The following COL5A2 variants were observed in gnomAD, a reference collection of about 807,000 sequenced individuals.
The protein encoded by COL5A2 is collagen alpha-2(V) chain.
A neutral mutation model predicts 208.2 loss-of-function variants in COL5A2; 23 were observed. The observed-to-expected ratio is 0.11, with a 90% CI of 0.08 to 0.16. The LOEUF is 0.16. COL5A2 is among the 10% of genes least tolerant of loss of function. The pLI, the probability that COL5A2 is intolerant of heterozygous loss-of-function variation, is 1.00. For synonymous variants in COL5A2, 625 were observed against 628.5 expected, an observed-to-expected ratio of 0.99 and a Z score of 0.08; for missense variants, 1,590 against 1,956.4, an observed-to-expected ratio of 0.81 and a Z score of 3.53.
chr2:189,125,946 C>T (rs6723725), intron 1 of COL5A2, among the ~76,000 whole-genome samples: 7,890 of 152,002 alleles, frequency 0.052, 261 homozygotes, highest in Admixed American at 0.099. Context: ...TAACTATAGA[C>T]GGATAGGTGA....
chr2:189,327,909 T>G, the COL5A2 span, among the ~76,000 whole-genome samples: 1 of 152,250 alleles, frequency 6.6e-6, no homozygotes, highest in African/African-American at 2.4e-5. Flanking sequence ...TGTTGTAATT[T>G]TCCAAACCAT....
At chr2:189,382,341 G>T in the COL5A2 span, among the ~76,000 whole-genome samples, 4 of 151,958 alleles carry the variant, frequency 2.6e-5, no homozygotes, top group African/African-American at 9.7e-5. Flanking sequence ...CTGGGTGACA[G>T]AGTAAGACCT....
At chr2:189,382,723 C>T in the COL5A2 span, among the ~76,000 whole-genome samples, 3,653 of 152,154 alleles carry the variant, frequency 0.024, 157 homozygotes, top group African/African-American at 0.084. Context: ...ATCATTGGTT[C>T]TTATAGGTTT....
At chr2:189,327,361 G>A in the COL5A2 span, among the ~76,000 whole-genome samples, 1 of 152,042 alleles carries the variant, frequency 6.6e-6, no homozygotes, top group African/African-American at 2.4e-5. Flanking sequence ...ATTGTTGAGG[G>A]TTGGGCATGG....
At chr2:189,038,843 C>G (rs1211652571) in intron 51 of COL5A2, among the ~76,000 whole-genome samples, 1 of 152,178 alleles carries the variant, frequency 6.6e-6, no homozygotes, top group Non-Finnish European at 1.5e-5. Flanking sequence ...GCACCCGCCA[C>G]CACGCCTGAC....
the COL5A2 span, among the ~76,000 whole-genome samples, chr2:189,414,108 A>C: frequency 6.6e-6 from 1 of 151,958 alleles, no homozygotes; most frequent in Non-Finnish European, 1.5e-5. Context: ...GTCATATTTT[A>C]TTGGATGCTA....
At chr2:189,419,454 G>A in the COL5A2 span, among the ~76,000 whole-genome samples, 54 of 152,156 alleles carry the variant, frequency 3.5e-4, no homozygotes, top group Non-Finnish European at 6.2e-4. Context: ...CAACTGCCTG[G>A]AAATTGGTCT....
chr2:189,271,530 C>T, the COL5A2 span, among the ~76,000 whole-genome samples: 3,976 of 152,062 alleles, frequency 0.026, 174 homozygotes, highest in African/African-American at 0.09. Context: ...AAGACTTAAA[C>T]GTTAAGACCT....
the COL5A2 span, among the ~76,000 whole-genome samples, chr2:189,285,780 G>A: frequency 6.6e-6 from 1 of 152,234 alleles, no homozygotes; most frequent in South Asian, 2.1e-4. Flanking sequence ...AAACTAAAAT[G>A]TGCTTTAGAT....
the COL5A2 span, among the ~76,000 whole-genome samples, chr2:189,327,400 G>C: frequency 2.0e-5 from 3 of 151,958 alleles, no homozygotes; most frequent in African/African-American, 7.2e-5. Flanking sequence ...GAAAACAGGA[G>C]GAAGAGGAAA....
intron 1 of COL5A2, among the ~76,000 whole-genome samples, chr2:189,146,419 C>A (rs1320244575): frequency 6.6e-6 from 1 of 151,994 alleles, no homozygotes; most frequent in African/African-American, 2.4e-5. Context: ...ATACAGAATG[C>A]ACATTGGAGT....
Position 189,053,926 on chromosome 2 carries a change from A to G in COL5A2, c.2468T>C (p.Leu823Ser), listed in dbSNP as rs372904150. 32 of 1,614,034 alleles carry G rather than the reference A, an allele frequency of 2.0e-5. No individual in the cohort carries two copies. Among genetic ancestry groups the G allele is most frequent in the Non-Finnish European group, 2.5e-5 (29 of 1,179,956 alleles). The change falls in exon 37 of 54, where the codon TTA becomes TCA. Residue 823 changes from leucine to serine, a missense_variant. Transcript: ENST00000374866. ...GEKGEPGPRG[L>S]VGPPGSRGNP... ...GCCCCGGGAGCCAGGAGGGCCAACT[A>G]AACCTCGAGGACCAGGTTCACCCTA... is the stretch of plus-strand genomic sequence containing the variant.
chr2:189,241,001 A>T, the COL5A2 span, among the ~76,000 whole-genome samples: 1 of 152,172 alleles, frequency 6.6e-6, no homozygotes, highest in Non-Finnish European at 1.5e-5. Context: ...TCCAAATCTA[A>T]TCACGTATTA....
At chr2:189,243,846 T>C in the COL5A2 span, among the ~76,000 whole-genome samples, 1 of 152,132 alleles carries the variant, frequency 6.6e-6, no homozygotes, top group Non-Finnish European at 1.5e-5. Context: ...GGCACAGGCA[T>C]TGGATAAATA....
chr2:189,254,716 C>T, the COL5A2 span, among the ~76,000 whole-genome samples: 1 of 152,200 alleles, frequency 6.6e-6, no homozygotes, highest in Non-Finnish European at 1.5e-5. Context: ...CTGCCTCTGC[C>T]TGTCACCAGG....
chr2:189,334,932 T>C, the COL5A2 span, among the ~76,000 whole-genome samples: 1 of 151,972 alleles, frequency 6.6e-6, no homozygotes, highest in Non-Finnish European at 1.5e-5. Flanking sequence ...ATACAGATGA[T>C]CAACTGGTTT....
chr2:189,275,714 G>C, the COL5A2 span, among the ~76,000 whole-genome samples: 2 of 151,928 alleles, frequency 1.3e-5, no homozygotes, highest in Non-Finnish European at 2.9e-5. Flanking sequence ...GCCTCCCAAA[G>C]TGCTGGGATT....
In COL5A2 at chr2:189,068,903, A is replaced by G; in HGVS notation, c.1159-19T>C. The G allele has an allele frequency of 1.3e-6, 2 of 1,538,342 alleles. No homozygotes were observed. The highest frequency in any genetic ancestry group is 1.8e-6 in the Non-Finnish European group (2 of 1,111,848). The stretch of plus-strand genomic sequence containing the variant: ...CTTCTCCCTAAAAGGGTGCAAAGGG[A>G]AATGTTAATTTAAGAAAAATACGAG... On this transcript the variant is annotated intron_variant, in intron 18 of 53. Coordinates refer to ENST00000374866, the MANE Select transcript of COL5A2 (RefSeq NM_000393.5).
chr2:189,259,738 C>T, the COL5A2 span, among the ~76,000 whole-genome samples: 10 of 152,242 alleles, frequency 6.6e-5, no homozygotes, highest in African/African-American at 2.2e-4. Context: ...TAACGGACCA[C>T]GCAGAGTTCA....
Sources: gnomAD v4.1 joint callset for allele counts (sites outside exome capture counted in the v4.1 genomes callset) on GRCh38, gnomAD v4.1.1 for gene constraint, MANE v1.5 for transcripts, NCBI Gene and HGNC (gene_info 2026-07-23, HGNC 2026-07-21) for gene names.